The following STS variants were observed in gnomAD, a reference collection of about 807,000 sequenced individuals.
The protein encoded by STS is steryl-sulfatase.
Under a neutral mutation model 26.8 loss-of-function variants are expected in STS, and 7 were observed. The ratio of observed to expected loss-of-function variants is 0.26; its 90% CI spans 0.15 to 0.49. The LOEUF (loss-of-function observed/expected upper bound fraction) is 0.49, where lower values mean the gene tolerates loss of function less well. STS is among the 20% of genes least tolerant of loss of function. The probability of loss-of-function intolerance (pLI) is 0.98; values close to 1 mark genes in which losing one functional copy is unlikely to be tolerated. For missense variants in STS, 434 were observed against 465.6 expected, an observed-to-expected ratio of 0.93 and a Z score of 0.63; for synonymous variants, 199 against 189.4, an observed-to-expected ratio of 1.05 and a Z score of -0.42.
chrX:7,188,238 G>A (rs1269281975), intron 1 of STS, among the ~76,000 whole-genome samples: 1 of 111,679 alleles, frequency 9.0e-6, no homozygotes, highest in Non-Finnish European at 1.9e-5. Flanking sequence ...ACTTTAATGA[G>A]CATTGGATGA....
chrX:7,224,466 A>G (rs1921716062), intron 2 of STS, among the ~76,000 whole-genome samples: 1 of 110,780 alleles, frequency 9.0e-6, no homozygotes, highest in Admixed American at 9.6e-5. Flanking sequence ...TGGTATTTGG[A>G]TGAGGGGCCT....
intron 9 of STS, 118 bp downstream of exon 9, chrX:7,325,616 G>T: frequency 1.2e-6 from 1 of 854,776 alleles, no homozygotes; most frequent in Non-Finnish European, 1.7e-6. Context: ...GAGTTTTCCT[G>T]AAAATCACAG....
chrX:7,259,150 A>C (rs1923592807), intron 5 of STS, among the ~76,000 whole-genome samples, 199 bp from the exon 6 acceptor site: 1 of 110,324 alleles, frequency 9.1e-6, no homozygotes, highest in Admixed American at 9.7e-5. Context: ...ATTAGTTCTT[A>C]TTTTCTGGTA....
intron 6 of STS, among the ~76,000 whole-genome samples, chrX:7,270,337 T>C (rs1369997394): frequency 2.7e-5 from 3 of 111,769 alleles, no homozygotes; most frequent in Admixed American, 9.5e-5. Flanking sequence ...TGAGCCTGGG[T>C]TTGAAGCAAA....
At chrX:7,154,790 G>A (rs2293434) in intron 1 of STS, among the ~76,000 whole-genome samples, 35,178 of 110,165 alleles carry the variant, frequency 0.32, 4,279 homozygotes, top group Middle Eastern at 0.46. Flanking sequence ...GAGTGAATGT[G>A]CAAATAAAGG....
chrX:7,239,845 C>A, intron 2 of STS, among the ~76,000 whole-genome samples: 1 of 105,085 alleles, frequency 9.5e-6, no homozygotes, highest in East Asian at 2.9e-4. Context: ...CTTACTTCTG[C>A]TGGTAATAAT....
chrX:7,173,529 A>G (rs1368082131), intron 1 of STS, among the ~76,000 whole-genome samples: 1 of 112,287 alleles, frequency 8.9e-6, no homozygotes, highest in Non-Finnish European at 1.9e-5. Flanking sequence ...GTCTTCCACA[A>G]TGATTGAACT....
At chrX:7,324,142 G>A (rs1927233791) in intron 8 of STS, among the ~76,000 whole-genome samples, 1 of 109,751 alleles carries the variant, frequency 9.1e-6, no homozygotes, top group Non-Finnish European at 1.9e-5. Flanking sequence ...TGTTCAGTCT[G>A]GAAAGGTAGC....
At chrX:7,279,347 G>C (rs866657461) in intron 7 of STS, among the ~76,000 whole-genome samples, 2 of 78,933 alleles carry the variant, frequency 2.5e-5, no homozygotes, top group Non-Finnish European at 4.8e-5. Flanking sequence ...GTATGTGTGT[G>C]TGTGTGTGTG....
At chrX:7,338,521 C>G in intron 10 of STS, among the ~76,000 whole-genome samples, 2 of 111,623 alleles carry the variant, frequency 1.8e-5, no homozygotes, top group South Asian at 7.5e-4. Flanking sequence ...TAGTCAGAAA[C>G]GGGATCTCCA....
rs141695619 is a variant in STS at position 7,180,371 on chromosome X, A to G, written c.-133-10509A>G. Among the ~76,000 whole-genome samples the G allele has an allele frequency of 2.2e-3, 250 of 111,301 alleles. 3 individuals are homozygous for G. Among genetic ancestry groups the G allele is most frequent in the African/African-American group, 7.7e-3 (237 of 30,606 alleles). On this transcript the variant is annotated intron_variant, in intron 1 of 10. Coordinates refer to ENST00000674429, the MANE Select transcript of STS (RefSeq NM_001320752.2). ...ATGCACAGTTCAAAATAGGGTTCAC[A>G]CTCCTATGAGAATCTAATGCAGCCA...
Position 7,328,842 on chromosome X carries a change from C to T in STS, c.1241+3344C>T, listed in dbSNP as rs564272399. 1.8e-4 allele frequency among the ~76,000 whole-genome samples: 20 copies of T among 110,722 alleles called. No individual in the cohort carries two copies. In the East Asian group the frequency reaches 3.1e-3, roughly 17 times the overall value. The stretch of plus-strand genomic sequence containing the variant: ...TCTCAAAGTGCTGGGAATACAGGTG[C>T]GCACCATCACGCCCAGCTAATTTTT... On this transcript the variant is annotated intron_variant, in intron 9 of 10. Coordinates refer to ENST00000674429, the MANE Select transcript of STS (RefSeq NM_001320752.2).
chrX:7,346,469 A>C (rs1324572490), intron 10 of STS, among the ~76,000 whole-genome samples: 2 of 109,551 alleles, frequency 1.8e-5, no homozygotes, highest in Non-Finnish European at 3.8e-5. Context: ...AAAAAAAAAA[A>C]AAAAAAAAAA....
chrX:7,321,591 CT>C (rs1927035755), intron 8 of STS, among the ~76,000 whole-genome samples: 1 of 112,215 alleles, frequency 8.9e-6, no homozygotes, highest in Non-Finnish European at 1.9e-5. Flanking sequence ...TTCAGGACCC[CT>C]GAAACCTCTG....
intron 9 of STS, among the ~76,000 whole-genome samples, chrX:7,326,491 C>T (rs1283306423): frequency 8.9e-6 from 1 of 111,883 alleles, no homozygotes; most frequent in Non-Finnish European, 1.9e-5. Context: ...TGTCCACACT[C>T]AGCAGCCCTT....
chrX:7,178,995 G>T (rs1385434643), intron 1 of STS, among the ~76,000 whole-genome samples: 1 of 107,548 alleles, frequency 9.3e-6, no homozygotes, highest in Non-Finnish European at 1.9e-5. Context: ...TCTCATGAAA[G>T]TGGTAACTGG....
chrX:7,176,363 T>C (rs770114382), intron 1 of STS, among the ~76,000 whole-genome samples: 2 of 111,399 alleles, frequency 1.8e-5, no homozygotes, highest in Non-Finnish European at 3.8e-5. Context: ...AACCGACTAA[T>C]ACTGAGATAG....
chrX:7,334,405 G>A (rs769258622), intron 10 of STS, among the ~76,000 whole-genome samples: 3 of 111,529 alleles, frequency 2.7e-5, no homozygotes, highest in South Asian at 7.6e-4. Context: ...CGCTGTGGCC[G>A]GTTGCTTTAT....
intron 2 of STS, among the ~76,000 whole-genome samples, chrX:7,218,737 C>A (rs1921413656): frequency 8.9e-6 from 1 of 112,020 alleles, no homozygotes; most frequent in African/African-American, 3.2e-5. Flanking sequence ...GATTTCTTAA[C>A]CTTTGCTGTT....
Sources: gnomAD v4.1 joint callset for allele counts (sites outside exome capture counted in the v4.1 genomes callset) on GRCh38, gnomAD v4.1.1 for gene constraint, MANE v1.5 for transcripts, NCBI Gene and HGNC (gene_info 2026-07-23, HGNC 2026-07-21) for gene names.